TREML2: variants seen among roughly 807,000 people sequenced by gnomAD.
The protein encoded by TREML2 is trem-like transcript 2 protein.
A neutral mutation model predicts 25.9 loss-of-function variants in TREML2; 24 were observed. The ratio of observed to expected loss-of-function variants is 0.93; its 90% CI spans 0.67 to 1.30. The LOEUF (loss-of-function observed/expected upper bound fraction) is 1.30, where lower values mean the gene tolerates loss of function less well. Ranked by LOEUF, TREML2 falls within the 50% of genes most tolerant of loss-of-function variation. The probability of loss-of-function intolerance (pLI) is 0.00; values close to 1 mark genes in which losing one functional copy is unlikely to be tolerated. For missense variants in TREML2, 359 were observed against 395.6 expected, an observed-to-expected ratio of 0.91 and a Z score of 0.78; for synonymous variants, 139 against 155.2, an observed-to-expected ratio of 0.90 and a Z score of 0.77.
chr6:41,194,210 AC>A (rs1265872900), intron 3 of TREML2, among the ~76,000 whole-genome samples: 1 of 7,866 alleles, frequency 1.3e-4, no homozygotes, highest in Non-Finnish European at 2.5e-4. Context: ...CCTCCTCCCC[AC>A]CCCCGACCCT....
Position 41,191,438 on chromosome 6 carries a change from A to C in TREML2, c.*989T>G, listed in dbSNP as rs1472945684. 6.6e-6 allele frequency: 1 copy of C among 152,172 alleles called. No individual in the cohort carries two copies. The highest frequency in any genetic ancestry group is 2.4e-5 in the African/African-American group (1 of 41,364). The allele number at this position is 152,172 out of a possible 1,614,324, so 9.4% of individuals were successfully genotyped here. On this transcript the variant is annotated 3_prime_UTR_variant, in exon 5 of 5. Transcript: ENST00000483722. ...TGGTCAGTTCCAAGTTACTGTCTTC[A>C]CTGTGTCCCAAGTGTGTCTTCTCTC... is the stretch of plus-strand genomic sequence containing the variant.
At chr6:41,200,097 G>A (rs556279597) in intron 1 of TREML2, among the ~76,000 whole-genome samples, 12 of 152,312 alleles carry the variant, frequency 7.9e-5, no homozygotes, top group African/African-American at 2.4e-4. Context: ...CAGGATATCC[G>A]TCCCAAGTCC....
intron 4 of TREML2, 142 bp from the exon 5 acceptor site, chr6:41,192,648 G>A (rs762363050): frequency 8.6e-5 from 97 of 1,129,346 alleles, no homozygotes; most frequent in African/African-American, 3.4e-4. Context: ...GGTGGTCTCC[G>A]CCTGGCCGCC....
rs1766061232 is a variant in TREML2 at position 41,191,483 on chromosome 6, G to C, written c.*944C>G. The C allele has an allele frequency of 6.6e-6, 1 of 152,318 alleles. No homozygotes were observed. The highest frequency in any genetic ancestry group is 1.5e-5 in the Non-Finnish European group (1 of 68,170). The allele number at this position is 152,318 out of a possible 1,614,324, so 9.4% of individuals were successfully genotyped here. On this transcript the variant is annotated 3_prime_UTR_variant, in exon 5 of 5. Coordinates refer to ENST00000483722, the MANE Select transcript of TREML2 (RefSeq NM_024807.4). ...TCTCTCTCTATCCTGAGGGGTAGGAGGAGGGTTGCTCCACCCTTCCTCTGA... is the reference window on the plus strand; with the variant it reads ...TCTCTCTCTATCCTGAGGGGTAGGACGAGGGTTGCTCCACCCTTCCTCTGA...
chr6:41,196,303 A>G (rs1372544093), intron 2 of TREML2, among the ~76,000 whole-genome samples: 2 of 152,222 alleles, frequency 1.3e-5, no homozygotes, highest in Non-Finnish European at 2.9e-5. Flanking sequence ...TTGGCTCCAC[A>G]TTTTAGCGAC....
Position 41,194,574 on chromosome 6 carries a change from G to C in TREML2, c.636C>G (p.Thr212=), listed in dbSNP as rs141822677. The part of the protein sequence containing the change: ...PRRTMGSQTV[T]ASPSNARDSS... The stretch of plus-strand genomic sequence containing the variant: ...AGTCCCTGGCATTGCTGGGAGACGC[G>C]GTCACTGTCTGGGACCCCATGGTCC... The change falls in exon 3 of 5, where the codon ACC becomes ACG. Residue 212 remains threonine (T), a synonymous_variant. Coordinates refer to ENST00000483722, the MANE Select transcript of TREML2 (RefSeq NM_024807.4). The C allele has an allele frequency of 1.2e-6, 2 of 1,614,026 alleles. No individual in the cohort carries two copies. The highest frequency in any genetic ancestry group is 2.2e-5 in the South Asian group (2 of 91,070).
At chr6:41,193,557 C>G (rs947423476) in intron 3 of TREML2, among the ~76,000 whole-genome samples, 1 of 152,018 alleles carries the variant, frequency 6.6e-6, no homozygotes, top group East Asian at 1.9e-4. Context: ...TTATTAGAGG[C>G]CTTCCCTGCC....
chr6:41,201,107 GT>G lies in TREML2; in HGVS notation c.-100del. The G allele has an allele frequency of 7.1e-7, 1 of 1,407,360 alleles. No homozygotes were observed. The highest frequency in any genetic ancestry group is 2.3e-5 in the East Asian group (1 of 43,790). The allele number at this position is 1,407,360 out of a possible 1,614,324, so 87.2% of individuals were successfully genotyped here. On this transcript the variant is annotated 5_prime_UTR_variant, in exon 1 of 5. An upstream open reading frame in the 5' UTR loses its in-frame stop. Coordinates refer to ENST00000483722, the MANE Select transcript of TREML2 (RefSeq NM_024807.4). ...TGGGCCTGCCAGGGAAGGACCCGGG[GT>G]TCTAAAAGTGAAGCTGCCCATTTAG...
chr6:41,198,059 G>A (rs1427756834), intron 2 of TREML2, 50 bp downstream of exon 2: 1 of 1,497,560 alleles, frequency 6.7e-7, no homozygotes, highest in East Asian at 2.3e-5. Context: ...TGGAGTGTGG[G>A]GCAGGAGGGA....
In TREML2 at chr6:41,194,657, C is replaced by T. The variant is rs369601224; in HGVS notation, c.553G>A (p.Ala185Thr). Residue 185 changes from alanine to threonine, a missense_variant, in exon 3 of 5, where the codon GCC (alanine) becomes ACC (threonine). Coordinates refer to ENST00000483722, the MANE Select transcript of TREML2 (RefSeq NM_024807.4). ...GTGAAGCTGTAGCCTGTCTTGGAGG[C>T]AGGTCTGGTGGAGGCTAAGAGCCTA... Reference protein sequence around the residue: ...LPRLLASTRPASKTGYSFTAT... With the variant: ...LPRLLASTRPTSKTGYSFTAT... The T allele has an allele frequency of 1.6e-4, 258 of 1,613,892 alleles. No individual in the cohort carries two copies. Among genetic ancestry groups the T allele is most frequent in the Non-Finnish European group, 1.8e-4 (208 of 1,179,964 alleles).
Position 41,192,852 on chromosome 6 carries a change from C to G in TREML2, c.835G>C (p.Val279Leu). 6.2e-7 allele frequency: 1 copy of G among 1,608,836 alleles called. No individual in the cohort carries two copies. The highest frequency in any genetic ancestry group is 2.2e-5 in the East Asian group (1 of 44,850). Residue 279 changes from valine (V) to leucine (L), a missense_variant, in exon 4 of 5, where the codon GTG becomes CTG. Coordinates refer to ENST00000483722, the MANE Select transcript of TREML2 (RefSeq NM_024807.4). ...CCATAGACCATGATCAGCATCAGCA[C>G]CAGGAGGGTCAGCACCACCCCAAGC... Reference protein sequence around the residue: ...TVLGVVLTLLVLMLIMVYGFW... With the variant: ...TVLGVVLTLLLLMLIMVYGFW...
At chr6:41,195,517 A>G (rs749332504) in intron 2 of TREML2, among the ~76,000 whole-genome samples, 6 of 152,186 alleles carry the variant, frequency 3.9e-5, no homozygotes, top group Non-Finnish European at 8.8e-5. Flanking sequence ...ACATCCCACT[A>G]CTGTGCATGG....
chr6:41,197,971 G>A, intron 2 of TREML2, 138 bp downstream of exon 2: 1 of 812,270 alleles, frequency 1.2e-6, no homozygotes, highest in East Asian at 2.7e-5. Context: ...CACGAATAGT[G>A]CCATAAAGGC....
chr6:41,194,350 G>GAT, intron 3 of TREML2, 75 bp downstream of exon 3: 1 of 1,413,366 alleles, frequency 7.1e-7, no homozygotes, highest in Non-Finnish European at 9.4e-7. Context: ...GGGAAGGTCA[G>GAT]ATATAAGACT....
chr6:41,200,247 C>A (rs1380744539), intron 1 of TREML2, among the ~76,000 whole-genome samples: 1 of 152,216 alleles, frequency 6.6e-6, no homozygotes, highest in Non-Finnish European at 1.5e-5. Flanking sequence ...ACAAGAGAGA[C>A]CCCTTTCTGC....
chr6:41,194,405 AC>A lies in TREML2; in HGVS notation c.785+19del. ...GGGCACTAAGTGCTGGTGCCACTCA[AC>A]CCCAGGCCCCACAGGTACCTGATGG... On this transcript the variant is annotated intron_variant, in intron 3 of 4. Coordinates refer to ENST00000483722, the MANE Select transcript of TREML2 (RefSeq NM_024807.4). 6.5e-7 allele frequency: 1 copy of A among 1,530,430 alleles called. No homozygotes were observed. Among genetic ancestry groups the A allele is most frequent in the East Asian group, 2.5e-5 (1 of 40,804 alleles). The allele number at this position is 1,530,430 out of a possible 1,614,324, so 94.8% of individuals were successfully genotyped here. A position where few individuals can be genotyped will look rare whatever the true frequency, so the allele number is the denominator to read the frequency against.
chr6:41,198,255 T>C lies in TREML2; in HGVS notation c.230A>G (p.Tyr77Cys). Residue 77 changes from tyrosine to cysteine, a missense_variant, in exon 2 of 5, where the codon TAC becomes TGC. Coordinates refer to ENST00000483722, the MANE Select transcript of TREML2 (RefSeq NM_024807.4). ...GGCCTGGGCATCGTCCTGCAGCAAG[T>C]AGCGGGGCCCTTTCACCCAGACTCG... The part of the protein sequence containing the change: ...FARVWVKGPR[Y>C]LLQDDAQAKV... 1 of 1,614,222 alleles carries C rather than the reference T, an allele frequency of 6.2e-7. No individual in the cohort carries two copies. Among genetic ancestry groups the C allele is most frequent in the South Asian group, 1.1e-5 (1 of 91,092 alleles).
At chr6:41,193,790 C>T (rs1766108336) in intron 3 of TREML2, among the ~76,000 whole-genome samples, 2 of 137,926 alleles carry the variant, frequency 1.5e-5, no homozygotes, top group African/African-American at 2.7e-5. Context: ...TCCCCCCTGG[C>T]CCTAATTCTA....
At chr6:41,199,653 C>T (rs990016288) in intron 1 of TREML2, among the ~76,000 whole-genome samples, 1 of 152,204 alleles carries the variant, frequency 6.6e-6, no homozygotes, top group African/African-American at 2.4e-5. Flanking sequence ...CTCCACCCCT[C>T]TGCCTGCCTT....
Sources: gnomAD v4.1 joint callset for allele counts (sites outside exome capture counted in the v4.1 genomes callset) on GRCh38, gnomAD v4.1.1 for gene constraint, MANE v1.5 for transcripts, NCBI Gene and HGNC (gene_info 2026-07-23, HGNC 2026-07-21) for gene names.